Variants in DACH2 observed in about 807,000 individuals in gnomAD.
The protein encoded by DACH2 is dachshund homolog 2.
In DACH2, 17 loss-of-function variants were observed where a neutral mutation model predicts 35.8. That is an observed-to-expected ratio of 0.48 (90% confidence interval 0.33 to 0.71). The LOEUF (loss-of-function observed/expected upper bound fraction) is 0.71. Among genes scored for constraint, DACH2 ranks in the 30% least tolerant of loss-of-function variants. DACH2 has a pLI of 0.02. For synonymous variants in DACH2, 195 were observed against 177.3 expected (o/e 1.10, Z -0.79); for missense variants, 469 against 472.7 (o/e 0.99, Z 0.07).
In DACH2 at chrX:86,449,833, G is replaced by T. The variant is rs374260734; in HGVS notation, c.528-64446G>T. On this transcript the variant is annotated intron_variant, in intron 2 of 11. Coordinates refer to ENST00000373125, the MANE Select transcript of DACH2 (RefSeq NM_053281.3). ...ATCATAATTTATGTCTGTTTATACT[G>T]CATATATTTTAACAAATTATTGTAA... is the stretch of plus-strand genomic sequence containing the variant. Among the ~76,000 whole-genome samples the T allele has an allele frequency of 4.5e-5, 5 of 111,082 alleles. No individual in the cohort carries two copies. The East Asian group carries it at 1.1e-3, about 25-fold the overall frequency.
chrX:86,634,470 G>GA (rs2040239199), intron 3 of DACH2, among the ~76,000 whole-genome samples: 1 of 111,039 alleles, frequency 9.0e-6, no homozygotes, highest in Non-Finnish European at 1.9e-5. Flanking sequence ...ACAAGAGAAA[G>GA]AAATAAAAGA....
chrX:86,395,124 T>C (rs1241442368), intron 2 of DACH2, among the ~76,000 whole-genome samples: 1 of 111,340 alleles, frequency 9.0e-6, no homozygotes, highest in Admixed American at 9.6e-5. Flanking sequence ...TAAACGAATC[T>C]TAACTGAAAG....
At chrX:86,214,225 T>C (rs1177619538) in intron 1 of DACH2, among the ~76,000 whole-genome samples, 1 of 111,827 alleles carries the variant, frequency 8.9e-6, no homozygotes, top group Non-Finnish European at 1.9e-5. Flanking sequence ...TTGTATGGTA[T>C]GATGTTATTC....
chrX:86,777,792 C>T (rs186641339), intron 7 of DACH2, among the ~76,000 whole-genome samples: 116 of 111,409 alleles, frequency 1.0e-3, no homozygotes, highest in African/African-American at 3.6e-3. Context: ...TCCCTTGCCA[C>T]ATTCCTTTGA....
At chrX:86,228,230 T>A (rs938793677) in intron 1 of DACH2, among the ~76,000 whole-genome samples, 1 of 110,657 alleles carries the variant, frequency 9.0e-6, no homozygotes, top group African/African-American at 3.3e-5. Context: ...GGTTTTCGAT[T>A]CCCGAGTTAC....
intron 1 of DACH2, among the ~76,000 whole-genome samples, chrX:86,188,510 G>C (rs1288303528): frequency 8.9e-6 from 1 of 112,130 alleles, no homozygotes. Flanking sequence ...ATCCCTGGAA[G>C]CTGTGAATAT....
chrX:86,714,750 G>T, intron 6 of DACH2, 30 bp downstream of exon 6: 1 of 1,093,656 alleles, frequency 9.1e-7, no homozygotes, highest in Non-Finnish European at 1.2e-6. Flanking sequence ...AAAGGACAAA[G>T]GTGTCAATTT....
rs763836021 is a variant in DACH2, at chrX:86,425,912, G to A, written c.527+49050G>A. Among the ~76,000 whole-genome samples, 12 of 110,892 alleles carry A rather than the reference G, an allele frequency of 1.1e-4. 1 individual carries two copies. The South Asian group carries it at 1.9e-3, about 17-fold the overall frequency. Reference sequence around the variant, plus strand: ...AGTAGTAGAAGAACAAGTGTGCCTCGTAGTAGAAAAATAAGTTGGAAATTA... The same window carrying A: ...AGTAGTAGAAGAACAAGTGTGCCTCATAGTAGAAAAATAAGTTGGAAATTA... On this transcript the variant is annotated intron_variant, in intron 2 of 11. Coordinates refer to ENST00000373125, the MANE Select transcript of DACH2 (RefSeq NM_053281.3).
chrX:86,823,056 G>A (rs995337792), intron 11 of DACH2, among the ~76,000 whole-genome samples: 8 of 110,935 alleles, frequency 7.2e-5, no homozygotes, highest in African/African-American at 2.0e-4. Flanking sequence ...AAGTTCAAGC[G>A]ATTCTTCTGC....
At chrX:86,340,225 G>T (rs901370717) in intron 1 of DACH2, among the ~76,000 whole-genome samples, 3 of 111,014 alleles carry the variant, frequency 2.7e-5, no homozygotes, top group Non-Finnish European at 5.7e-5. Context: ...TGGCAACCCC[G>T]GATCAAACAA....
intron 1 of DACH2, among the ~76,000 whole-genome samples, chrX:86,288,197 G>A (rs977248191): frequency 8.9e-6 from 1 of 112,108 alleles, no homozygotes; most frequent in Non-Finnish European, 1.9e-5. Context: ...AGATTTTTAG[G>A]AGAGAGATTT....
chrX:86,359,025 A>C (rs2148078554), intron 1 of DACH2, among the ~76,000 whole-genome samples: 1 of 109,026 alleles, frequency 9.2e-6, no homozygotes, highest in East Asian at 2.9e-4. Context: ...GGTAGATGTT[A>C]TGTATTGGTC....
At chrX:86,322,638 G>A (rs2035037174) in intron 1 of DACH2, among the ~76,000 whole-genome samples, 1 of 112,066 alleles carries the variant, frequency 8.9e-6, no homozygotes, top group African/African-American at 3.2e-5. Context: ...TGTATGAACT[G>A]CATGGCTCCT....
intron 3 of DACH2, among the ~76,000 whole-genome samples, chrX:86,618,724 G>A (rs904922331): frequency 8.9e-6 from 1 of 111,800 alleles, no homozygotes; most frequent in Non-Finnish European, 1.9e-5. Flanking sequence ...GACTTTTCAT[G>A]AGTAGTTTTA....
chrX:86,634,427 C>T (rs2040238764), intron 3 of DACH2, among the ~76,000 whole-genome samples: 1 of 111,335 alleles, frequency 9.0e-6, no homozygotes, highest in African/African-American at 3.3e-5. Flanking sequence ...TTCTACTCAA[C>T]ATATTACTGA....
At chrX:86,682,568 G>A (rs1328413285) in intron 4 of DACH2, among the ~76,000 whole-genome samples, 1 of 111,878 alleles carries the variant, frequency 8.9e-6, no homozygotes, top group East Asian at 2.8e-4. Flanking sequence ...AGACATATAT[G>A]TGGTAAGTGT....
chrX:86,423,475 G>A (rs2148160878), intron 2 of DACH2, among the ~76,000 whole-genome samples: 1 of 109,813 alleles, frequency 9.1e-6, no homozygotes, highest in Non-Finnish European at 1.9e-5. Context: ...CTTCTTTTGA[G>A]AAGTGTCTTT....
intron 2 of DACH2, among the ~76,000 whole-genome samples, chrX:86,385,759 A>C (rs1044152679): frequency 1.8e-5 from 2 of 111,605 alleles, no homozygotes; most frequent in Non-Finnish European, 3.8e-5. Context: ...CTGTCTTCAA[A>C]AATCACTCTG....
chrX:86,790,665 C>T (rs776049812), intron 7 of DACH2, among the ~76,000 whole-genome samples: 14 of 111,656 alleles, frequency 1.3e-4, no homozygotes, highest in African/African-American at 4.6e-4. Flanking sequence ...TCCACCTTAG[C>T]CTCCCAAGTA....
Sources: allele counts gnomAD v4.1 joint callset (sites outside exome capture counted in the v4.1 genomes callset), GRCh38; gene constraint gnomAD v4.1.1; transcripts MANE v1.5; gene names NCBI Gene and HGNC (gene_info 2026-07-23, HGNC 2026-07-21).